Variants in ARHGAP15 observed in about 807,000 individuals in gnomAD.
The protein encoded by ARHGAP15 is Rho GTPase activating protein 15.
A neutral mutation model predicts 63.7 loss-of-function variants in ARHGAP15; 51 were observed. The observed-to-expected ratio is 0.80, with a 90% CI of 0.64 to 1.01. ARHGAP15 has a LOEUF of 1.01. ARHGAP15 is among the 50% of genes least tolerant of loss of function. The pLI is 0.00. For synonymous variants in ARHGAP15, 191 were observed against 193.8 expected, an observed-to-expected ratio of 0.99 and a Z score of 0.12; for missense variants, 560 against 564.6, an observed-to-expected ratio of 0.99 and a Z score of 0.08.
intron 5 of ARHGAP15, among the ~76,000 whole-genome samples, chr2:143,240,021 A>AC (rs1693805314): frequency 6.9e-6 from 1 of 144,598 alleles, no homozygotes; most frequent in Non-Finnish European, 1.5e-5. Flanking sequence ...AAAAAAAAAA[A>AC]CCACACATGC....
chr2:143,642,757 C>T (rs1680668332), intron 12 of ARHGAP15, among the ~76,000 whole-genome samples: 1 of 152,060 alleles, frequency 6.6e-6, no homozygotes, highest in Non-Finnish European at 1.5e-5. Flanking sequence ...GGGAGGCCTT[C>T]ATGAAGGAGG....
At chr2:143,469,606 T>A (rs915071804) in intron 8 of ARHGAP15, among the ~76,000 whole-genome samples, 7 of 152,284 alleles carry the variant, frequency 4.6e-5, no homozygotes, top group Admixed American at 3.9e-4. Context: ...ACTAGCCTCA[T>A]GCAAACACTG....
intron 6 of ARHGAP15, among the ~76,000 whole-genome samples, chr2:143,321,221 T>A (rs994450174): frequency 2.0e-5 from 3 of 152,210 alleles, no homozygotes; most frequent in South Asian, 2.1e-4. Context: ...CTCAAGTGTA[T>A]ACAAAACATA....
rs55769935 is a variant in ARHGAP15 at position 143,542,343 on chromosome 2, G to T, written c.926-14065G>T. On this transcript the variant is annotated intron_variant, in intron 10 of 13. Transcript: ENST00000295095. Reference sequence around the variant, plus strand: ...CACTTCCCGGGTGAGGCGATGCCTCGCCCTGCTTCGGCTCATGCACGGTGC... The same window carrying T: ...CACTTCCCGGGTGAGGCGATGCCTCTCCCTGCTTCGGCTCATGCACGGTGC... Among the ~76,000 whole-genome samples the T allele has an allele frequency of 4.6e-3, 698 of 151,694 alleles. 5 individuals carry two copies. The highest frequency in any genetic ancestry group is 0.01 in the South Asian group (49 of 4,796).
intron 8 of ARHGAP15, among the ~76,000 whole-genome samples, chr2:143,440,932 T>TA (rs1689848120): frequency 6.6e-6 from 1 of 152,158 alleles, no homozygotes; most frequent in Non-Finnish European, 1.5e-5. Flanking sequence ...AAGGCCCAAA[T>TA]ATAATAAATC....
intron 6 of ARHGAP15, among the ~76,000 whole-genome samples, chr2:143,259,083 G>C (rs1361775611): frequency 1.3e-5 from 2 of 151,582 alleles, no homozygotes; most frequent in Non-Finnish European, 2.9e-5. Context: ...CCATGCCCTT[G>C]ATCAAGTAAA....
chr2:143,688,918 G>A (rs58339828), intron 12 of ARHGAP15, among the ~76,000 whole-genome samples: 46 of 152,196 alleles, frequency 3.0e-4, no homozygotes, highest in African/African-American at 1.1e-3. Flanking sequence ...TATCAAGATA[G>A]TATACCACCT....
In ARHGAP15 at chr2:143,626,204, GA is replaced by G. The variant is rs533179184; in HGVS notation, c.1138+1939del. On this transcript the variant is annotated intron_variant, in intron 12 of 13. Coordinates refer to ENST00000295095, the MANE Select transcript of ARHGAP15 (RefSeq NM_018460.4). ...ACACCTATAAAATGGGTTATGGCGA[GA>G]ATGAATAAGAAAGTGCCTAAGAAAG... is the stretch of plus-strand genomic sequence containing the variant. Among the ~76,000 whole-genome samples the G allele has an allele frequency of 1.6e-4, 25 of 152,316 alleles. No individual in the cohort carries two copies. The East Asian group carries it at 4.6e-3, about 28-fold the overall frequency.
intron 10 of ARHGAP15, among the ~76,000 whole-genome samples, chr2:143,524,686 C>T (rs1282184480): frequency 6.6e-6 from 1 of 152,138 alleles, no homozygotes; most frequent in African/African-American, 2.4e-5. Context: ...TAAATGAAAC[C>T]TGTTTAATTA....
chr2:143,731,944 G>A (rs1296287343), intron 13 of ARHGAP15, among the ~76,000 whole-genome samples: 1 of 152,168 alleles, frequency 6.6e-6, no homozygotes, highest in Non-Finnish European at 1.5e-5. Flanking sequence ...AAGTGATGGG[G>A]TCAGTATTTA....
chr2:143,302,640 C>A (rs1158110771), intron 6 of ARHGAP15, among the ~76,000 whole-genome samples: 3 of 151,934 alleles, frequency 2.0e-5, no homozygotes, highest in Non-Finnish European at 4.4e-5. Context: ...GTAGATGACT[C>A]TAAATTCTCC....
intron 10 of ARHGAP15, among the ~76,000 whole-genome samples, chr2:143,523,923 A>T (rs1382449104): frequency 6.6e-6 from 1 of 152,162 alleles, no homozygotes; most frequent in Non-Finnish European, 1.5e-5. Flanking sequence ...CAATTTTTTT[A>T]AAATGAAATC....
intron 10 of ARHGAP15, among the ~76,000 whole-genome samples, chr2:143,539,755 T>C (rs1336103287): frequency 5.3e-5 from 8 of 152,200 alleles, no homozygotes; most frequent in Non-Finnish European, 1.0e-4. Context: ...CAGTTTGTTA[T>C]AATTTCTGTT....
rs543355254 is a variant in ARHGAP15 at position 143,299,925 on chromosome 2, C to T, written c.474+49325C>T. On this transcript the variant is annotated intron_variant, in intron 6 of 13. Transcript: ENST00000295095. ...TTAAAGAGGAAGGGTTGTCATCTTT[C>T]AGGCAGATATCAACCAACAAAGTCT... 1.8e-4 allele frequency among the ~76,000 whole-genome samples: 28 copies of T among 152,076 alleles called. 1 individual carries two copies. The highest frequency in any genetic ancestry group is 6.7e-4 in the African/African-American group (28 of 41,540).
intron 10 of ARHGAP15, among the ~76,000 whole-genome samples, chr2:143,535,927 T>C (rs148403619): frequency 1.4e-4 from 22 of 152,348 alleles, no homozygotes; most frequent in African/African-American, 5.0e-4. Context: ...TCTTAGTTTT[T>C]TTTAAATTTG....
At chr2:143,259,246 C>T (rs1396819959) in intron 6 of ARHGAP15, among the ~76,000 whole-genome samples, 2 of 152,114 alleles carry the variant, frequency 1.3e-5, no homozygotes, top group Non-Finnish European at 2.9e-5. Flanking sequence ...TATACTGGAA[C>T]ATTTACAACC....
rs375839336 is a variant in ARHGAP15 at position 143,320,147 on chromosome 2, A to T, written c.474+69547A>T. Among the ~76,000 whole-genome samples, 8 of 152,296 alleles carry T rather than the reference A, an allele frequency of 5.3e-5. No homozygotes were observed. The East Asian group carries it at 7.7e-4, about 15-fold the overall frequency. On this transcript the variant is annotated intron_variant, in intron 6 of 13. Transcript: ENST00000295095. ...CAGATGGACTCAATGAAAGATAATT[A>T]AAACTATGGGGAACTTGCTAATATA...
chr2:143,606,334 G>A (rs979172251), intron 11 of ARHGAP15, among the ~76,000 whole-genome samples: 1 of 152,112 alleles, frequency 6.6e-6, no homozygotes, highest in African/African-American at 2.4e-5. Flanking sequence ...TGGAGAATAT[G>A]AACTAATAAC....
At chr2:143,266,799 A>C (rs1681020737) in intron 6 of ARHGAP15, among the ~76,000 whole-genome samples, 1 of 152,188 alleles carries the variant, frequency 6.6e-6, no homozygotes. Context: ...GTTAATGAAG[A>C]AAATACTAAC....
Sources: allele counts gnomAD v4.1 joint callset (sites outside exome capture counted in the v4.1 genomes callset), GRCh38; gene constraint gnomAD v4.1.1; transcripts MANE v1.5; gene names NCBI Gene and HGNC (gene_info 2026-07-23, HGNC 2026-07-21).